Variants in GALNTL6 observed in about 807,000 individuals in gnomAD.
GALNTL6 encodes polypeptide N-acetylgalactosaminyltransferase-like 6.
In GALNTL6, 46 loss-of-function variants were observed where a neutral mutation model predicts 73.7. That is an observed-to-expected ratio of 0.62 (90% CI 0.49 to 0.80). The LOEUF is 0.80. Among genes scored for constraint, GALNTL6 ranks in the 30% least tolerant of loss-of-function variants. The probability of loss-of-function intolerance (pLI) is 0.00; values close to 1 mark genes in which losing one functional copy is unlikely to be tolerated. For synonymous variants in GALNTL6, 259 were observed against 263.7 expected (o/e 0.98, Z 0.17); for missense variants, 604 against 755.0 (o/e 0.80, Z 2.34).
At chr4:172,519,649 A>T (rs951201386) in intron 5 of GALNTL6, among the ~76,000 whole-genome samples, 4 of 151,712 alleles carry the variant, frequency 2.6e-5, no homozygotes, top group Admixed American at 2.0e-4. Context: ...GAAATAGGAT[A>T]GCAGTATTTA....
intron 5 of GALNTL6, among the ~76,000 whole-genome samples, chr4:172,775,001 T>TAATAAA (rs1560944234): frequency 7.4e-6 from 1 of 134,594 alleles, no homozygotes; most frequent in African/African-American, 2.6e-5. Flanking sequence ...ATAATAATAA[T>TAATAAA]AAAATCCAGA....
intron 2 of GALNTL6, among the ~76,000 whole-genome samples, chr4:171,826,167 C>T (rs921770579): frequency 1.3e-5 from 2 of 152,158 alleles, no homozygotes; most frequent in Non-Finnish European, 2.9e-5. Flanking sequence ...TTCTTTCTCT[C>T]TTCAAATCTC....
chr4:172,407,178 T>C (rs1744267466), intron 5 of GALNTL6, among the ~76,000 whole-genome samples: 1 of 152,084 alleles, frequency 6.6e-6, no homozygotes, highest in African/African-American at 2.4e-5. Context: ...TACTCATGCT[T>C]CAAATCAATC....
intron 5 of GALNTL6, among the ~76,000 whole-genome samples, chr4:172,520,987 G>T (rs1734757286): frequency 6.6e-6 from 1 of 151,972 alleles, no homozygotes; most frequent in Non-Finnish European, 1.5e-5. Context: ...CCCTAAATAG[G>T]TGTAAACAAT....
Position 171,839,330 on chromosome 4 carries a change from A to T in GALNTL6, c.138+24612A>T, listed in dbSNP as rs533972289. ...ATGCTACAATTTCTGATTTAAAAAA[A>T]ATCTGCCTGACTGGTTGATCAGGAA... On this transcript the variant is annotated intron_variant, in intron 2 of 12. Coordinates refer to ENST00000506823, the MANE Select transcript of GALNTL6 (RefSeq NM_001034845.3). Among the ~76,000 whole-genome samples, 361 of 152,308 alleles carry T rather than the reference A, an allele frequency of 2.4e-3. 2 individuals are homozygous for T. The highest frequency in any genetic ancestry group is 0.014 in the Middle Eastern group (4 of 294).
Position 172,109,259 on chromosome 4 carries a change from AT to A in GALNTL6, c.139-120389del, listed in dbSNP as rs11435570. ...AAAAATACGAACATGGACCATTATA[AT>A]TTTTTTTCTTGCATAAAAGAATTGT... On this transcript the variant is annotated intron_variant, in intron 2 of 12. Transcript: ENST00000506823. Among the ~76,000 whole-genome samples the A allele has an allele frequency of 7.9e-5, 12 of 151,882 alleles. No homozygotes were observed. The East Asian group carries it at 2.0e-3, about 25-fold the overall frequency.
chr4:172,034,155 A>G (rs1190236070), intron 2 of GALNTL6, among the ~76,000 whole-genome samples: 1 of 152,062 alleles, frequency 6.6e-6, no homozygotes, highest in East Asian at 1.9e-4. Context: ...TTCTATATGT[A>G]ATGTAATAAG....
chr4:172,386,136 G>A (rs532526112), intron 5 of GALNTL6, among the ~76,000 whole-genome samples: 1 of 152,140 alleles, frequency 6.6e-6, no homozygotes, highest in Admixed American at 6.5e-5. Context: ...TTTATTCAAT[G>A]CCTTTTAAAT....
chr4:172,284,982 T>C (rs920735852), intron 3 of GALNTL6, among the ~76,000 whole-genome samples: 8 of 152,192 alleles, frequency 5.3e-5, no homozygotes, highest in Non-Finnish European at 7.3e-5. Context: ...CTTTGAAAAA[T>C]GATATTGGTA....
chr4:172,793,716 T>G (rs1235552493), intron 5 of GALNTL6, among the ~76,000 whole-genome samples: 2 of 152,206 alleles, frequency 1.3e-5, no homozygotes, highest in Non-Finnish European at 2.9e-5. Context: ...AGTGACAGAC[T>G]ATAAAACTCG....
chr4:172,018,153 A>G (rs1017858654), intron 2 of GALNTL6, among the ~76,000 whole-genome samples: 1 of 152,080 alleles, frequency 6.6e-6, no homozygotes, highest in Non-Finnish European at 1.5e-5. Flanking sequence ...GCCTCCATAA[A>G]GGAGGTGGTC....
chr4:172,241,104 G>A (rs1043049553), intron 3 of GALNTL6, among the ~76,000 whole-genome samples: 2 of 152,200 alleles, frequency 1.3e-5, no homozygotes, highest in East Asian at 1.9e-4. Context: ...CAGGGTGTAA[G>A]TTAGCAAAAT....
intron 2 of GALNTL6, among the ~76,000 whole-genome samples, chr4:172,042,864 TAA>T (rs397996272): frequency 0.023 from 1,009 of 44,284 alleles, 13 homozygotes; most frequent in African/African-American, 0.082. Context: ...TCTTTAACAG[TAA>T]AAAAAAAAAA....
chr4:172,671,378 C>T (rs1002975802), intron 5 of GALNTL6, among the ~76,000 whole-genome samples: 1 of 152,008 alleles, frequency 6.6e-6, no homozygotes. Context: ...CCCTAGTTAG[C>T]TGTATTCCTA....
rs1579066872 is a variant in GALNTL6 at position 172,432,701 on chromosome 4, G to A, written c.553+84012G>A. 2.6e-5 allele frequency among the ~76,000 whole-genome samples: 4 copies of A among 151,866 alleles called. No individual in the cohort carries two copies. The South Asian group carries it at 6.2e-4, about 24-fold the overall frequency. Reference sequence around the variant, plus strand: ...AAATGAATAAATAGTTGAATTTATAGGTATGTAAATTATATCTCCATAAAT... The same window carrying A: ...AAATGAATAAATAGTTGAATTTATAAGTATGTAAATTATATCTCCATAAAT... On this transcript the variant is annotated intron_variant, in intron 5 of 12. Coordinates refer to ENST00000506823, the MANE Select transcript of GALNTL6 (RefSeq NM_001034845.3).
At chr4:171,836,285 T>C (rs1049003647) in intron 2 of GALNTL6, among the ~76,000 whole-genome samples, 1 of 152,092 alleles carries the variant, frequency 6.6e-6, no homozygotes, top group Non-Finnish European at 1.5e-5. Flanking sequence ...TGCTTCCAAC[T>C]CTGCACTGCT....
intron 10 of GALNTL6, among the ~76,000 whole-genome samples, chr4:172,968,441 C>T (rs767868833): frequency 2.0e-5 from 3 of 152,034 alleles, no homozygotes; most frequent in Non-Finnish European, 2.9e-5. Context: ...GCAGAGTTAC[C>T]CTGCATATAT....
intron 5 of GALNTL6, among the ~76,000 whole-genome samples, chr4:172,496,381 T>A (rs1734072359): frequency 6.6e-6 from 1 of 152,150 alleles, no homozygotes; most frequent in South Asian, 2.1e-4. Flanking sequence ...ATTTTTCTTT[T>A]AAATTTTATT....
At chr4:172,847,826 A>G (rs1206104313) in intron 7 of GALNTL6, among the ~76,000 whole-genome samples, 1 of 152,172 alleles carries the variant, frequency 6.6e-6, no homozygotes, top group Non-Finnish European at 1.5e-5. Context: ...CTTACAAGAC[A>G]TGAGGGATCC....
Sources: gnomAD v4.1 joint callset for allele counts (sites outside exome capture counted in the v4.1 genomes callset) on GRCh38, gnomAD v4.1.1 for gene constraint, MANE v1.5 for transcripts, NCBI Gene and HGNC (gene_info 2026-07-23, HGNC 2026-07-21) for gene names.